The following ATRNL1 variants were observed in gnomAD, a reference collection of about 807,000 sequenced individuals.
ATRNL1 encodes attractin-like protein 1.
In ATRNL1, 95 loss-of-function variants were observed where a neutral mutation model predicts 182.7. The observed-to-expected ratio is 0.52, with a 90% CI of 0.44 to 0.62. ATRNL1 has a LOEUF of 0.62. Ranked by LOEUF, ATRNL1 falls within the 20% of genes least tolerant of loss-of-function variation. ATRNL1 has a pLI of 0.00. For missense variants in ATRNL1, 1,471 were observed against 1,679.5 expected (o/e 0.88, Z 2.17); for synonymous variants, 576 against 568.3 (o/e 1.01, Z -0.19).
At chr10:115,924,778 C>T (rs1171787953) in intron 28 of ATRNL1, among the ~76,000 whole-genome samples, 1 of 152,138 alleles carries the variant, frequency 6.6e-6, no homozygotes, top group East Asian at 1.9e-4. Context: ...TTTTCTAATT[C>T]TGTGAAAATG....
chr10:115,487,602 T>C (rs1849087633), intron 24 of ATRNL1, among the ~76,000 whole-genome samples: 1 of 152,218 alleles, frequency 6.6e-6, no homozygotes, highest in Admixed American at 6.5e-5. Context: ...TTTGCTGAAG[T>C]TGCTTGTCAG....
rs145674274 is a variant in ATRNL1, at chr10:115,570,024, C to T, written c.3795+20488C>T. 1.7e-4 allele frequency among the ~76,000 whole-genome samples: 26 copies of T among 152,240 alleles called. No individual in the cohort carries two copies. In the East Asian group the frequency reaches 4.3e-3, roughly 25 times the overall value. ...AGCTTTCTGCTGGAGTGCAGTGGTG[C>T]GATCTCAGCTCACTGCAACCTCTGC... On this transcript the variant is annotated intron_variant, in intron 26 of 28. Coordinates refer to ENST00000355044, the MANE Select transcript of ATRNL1 (RefSeq NM_207303.4).
At chr10:115,773,023 C>T (rs1206468234) in intron 27 of ATRNL1, among the ~76,000 whole-genome samples, 1 of 152,132 alleles carries the variant, frequency 6.6e-6, no homozygotes, top group African/African-American at 2.4e-5. Flanking sequence ...TCTTGCTACC[C>T]TCTTTATACA....
intron 27 of ATRNL1, among the ~76,000 whole-genome samples, chr10:115,801,748 T>G (rs1302669941): frequency 6.6e-6 from 1 of 152,140 alleles, no homozygotes; most frequent in East Asian, 1.9e-4. Context: ...AAGAAACTCT[T>G]GCCTTGGAAG....
intron 26 of ATRNL1, among the ~76,000 whole-genome samples, chr10:115,667,645 A>G (rs1861076925): frequency 6.9e-6 from 1 of 145,456 alleles, no homozygotes; most frequent in East Asian, 2.1e-4. Flanking sequence ...CATTACATCT[A>G]CTGCATCTTT....
intron 28 of ATRNL1, among the ~76,000 whole-genome samples, chr10:115,884,624 C>T (rs75852791): frequency 0.015 from 2,222 of 152,270 alleles, 46 homozygotes; most frequent in African/African-American, 0.05. Context: ...GCAAAAAATT[C>T]TGCCACCTGG....
Position 115,667,823 on chromosome 10 carries a change from A to G in ATRNL1, c.3796-59425A>G, listed in dbSNP as rs578223313. Among the ~76,000 whole-genome samples the G allele has an allele frequency of 2.4e-4, 36 of 151,868 alleles. No individual in the cohort carries two copies. The South Asian group carries it at 4.6e-3, about 19-fold the overall frequency. Reference sequence around the variant, plus strand: ...AGGTGTGGGCTACCATGACCAGCTAATTTTTTAATTACTATTTTTTTAGTA... The same window carrying G: ...AGGTGTGGGCTACCATGACCAGCTAGTTTTTTAATTACTATTTTTTTAGTA... On this transcript the variant is annotated intron_variant, in intron 26 of 28. Coordinates refer to ENST00000355044, the MANE Select transcript of ATRNL1 (RefSeq NM_207303.4).
intron 9 of ATRNL1, among the ~76,000 whole-genome samples, chr10:115,227,080 T>C (rs1849729726): frequency 6.6e-6 from 1 of 152,130 alleles, no homozygotes; most frequent in Admixed American, 6.6e-5. Flanking sequence ...AAGTAGGACC[T>C]AATCAAACTA....
intron 19 of ATRNL1, among the ~76,000 whole-genome samples, chr10:115,363,344 T>C (rs1457727961): frequency 3.3e-5 from 5 of 150,006 alleles, no homozygotes; most frequent in African/African-American, 7.3e-5. Context: ...TCATGTCCTT[T>C]GCCCACTTTT....
intron 27 of ATRNL1, among the ~76,000 whole-genome samples, chr10:115,764,980 A>T (rs560002263): frequency 6.6e-6 from 1 of 152,154 alleles, no homozygotes; most frequent in African/African-American, 2.4e-5. Flanking sequence ...AGCCTCCTCC[A>T]TGTCTTTTTA....
chr10:115,128,953 T>C (rs1845101922), intron 4 of ATRNL1, among the ~76,000 whole-genome samples: 1 of 152,222 alleles, frequency 6.6e-6, no homozygotes, highest in Non-Finnish European at 1.5e-5. Flanking sequence ...ACTTCTCATA[T>C]AGTTTTGAAT....
Position 115,461,996 on chromosome 10 carries a change from C to A in ATRNL1, c.3378C>A (p.Arg1126=). ...FTFSLLQEDD[R]HHTAINFIAN... is the part of the protein sequence containing the mutation. The stretch of plus-strand genomic sequence containing the variant: ...TCAGCTTATTACAGGAAGATGATCG[C>A]CACCATACTGCCATAAACTTTATAG... Residue 1126 remains arginine (R), a synonymous_variant, in exon 22 of 29, where the codon CGC becomes CGA. Coordinates refer to ENST00000355044, the MANE Select transcript of ATRNL1 (RefSeq NM_207303.4). The A allele has an allele frequency of 1.2e-6, 2 of 1,611,280 alleles. No individual in the cohort carries two copies. Among genetic ancestry groups the A allele is most frequent in the South Asian group, 2.2e-5 (2 of 90,878 alleles).
chr10:115,502,906 C>T (rs1021694525), intron 24 of ATRNL1, among the ~76,000 whole-genome samples: 1 of 152,010 alleles, frequency 6.6e-6, no homozygotes, highest in Non-Finnish European at 1.5e-5. Context: ...AAAAAAAGGC[C>T]CTAACAGTCT....
At chr10:115,121,835 T>A in intron 3 of ATRNL1, 23 bp downstream of exon 3, 1 of 1,213,930 alleles carries the variant, frequency 8.2e-7, no homozygotes. Context: ...ATTTAATCAG[T>A]TGCAGAAAAG....
chr10:115,476,067 A>C, intron 24 of ATRNL1, among the ~76,000 whole-genome samples: 1 of 151,318 alleles, frequency 6.6e-6, no homozygotes, highest in African/African-American at 2.4e-5. Context: ...CTATAAATTA[A>C]CCTGTATGCA....
intron 24 of ATRNL1, among the ~76,000 whole-genome samples, chr10:115,482,092 C>A (rs751150629): frequency 9.9e-5 from 15 of 150,800 alleles, no homozygotes; most frequent in Non-Finnish European, 2.1e-4. Flanking sequence ...CTTAGCATAG[C>A]AAATATTTCA....
intron 26 of ATRNL1, among the ~76,000 whole-genome samples, chr10:115,721,825 C>T (rs764942706): frequency 2.7e-4 from 41 of 152,242 alleles, no homozygotes; most frequent in Non-Finnish European, 5.7e-4. Context: ...AAACATTTTC[C>T]GTTTTTCCTT....
At chr10:115,245,049 T>G (rs915516986) in intron 10 of ATRNL1, among the ~76,000 whole-genome samples, 11 of 152,216 alleles carry the variant, frequency 7.2e-5, no homozygotes, top group Non-Finnish European at 1.6e-4. Flanking sequence ...CTTATGACAT[T>G]AATTTCTTTG....
intron 21 of ATRNL1, among the ~76,000 whole-genome samples, chr10:115,430,894 A>G (rs1292679644): frequency 2.6e-5 from 4 of 152,146 alleles, no homozygotes; most frequent in African/African-American, 9.7e-5. Flanking sequence ...CCTCCCCAGA[A>G]CAAAAAATCA....
Sources: allele counts gnomAD v4.1 joint callset (sites outside exome capture counted in the v4.1 genomes callset), GRCh38; gene constraint gnomAD v4.1.1; transcripts MANE v1.5; gene names NCBI Gene and HGNC (gene_info 2026-07-23, HGNC 2026-07-21).